Variants in IGSF3 observed in about 807,000 individuals in gnomAD.
The protein encoded by IGSF3 is glu-Trp-Ile EWI motif-containing protein 3.
Under a neutral mutation model 114.4 loss-of-function variants are expected in IGSF3, and 23 were observed. The ratio of observed to expected loss-of-function variants is 0.20; its 90% CI spans 0.14 to 0.28. The LOEUF (loss-of-function observed/expected upper bound fraction) is 0.28, where lower values mean the gene tolerates loss of function less well. IGSF3 is among the 10% of genes least tolerant of loss of function. The pLI is 1.00. For missense variants in IGSF3, 1,172 were observed against 1,591.5 expected (o/e 0.74, Z 4.48); for synonymous variants, 571 against 645.2 (o/e 0.88, Z 1.74).
Position 116,594,198 on chromosome 1 carries a change from C to T in IGSF3, c.2030-5094G>A, listed in dbSNP as rs990430553. Among the ~76,000 whole-genome samples, 1 of 152,162 alleles carries T rather than the reference C, an allele frequency of 6.6e-6. No individual in the cohort carries two copies. The highest frequency in any genetic ancestry group is 1.5e-5 in the Non-Finnish European group (1 of 68,028). ...ACTGTCAGTGTGCATTTAGAGACAGCGTTGACTGTGACTGTGCCTCCTAGC... is the reference window on the plus strand; with the variant it reads ...ACTGTCAGTGTGCATTTAGAGACAGTGTTGACTGTGACTGTGCCTCCTAGC... On this transcript the variant is annotated intron_variant, in intron 7 of 10. Coordinates refer to ENST00000369486, the MANE Select transcript of IGSF3 (RefSeq NM_001007237.3). The surrounding 1 kb of genome is among the most constrained non-coding windows in gnomAD (Gnocchi z 5.2).
chr1:116,653,019 C>A (rs1648695942), intron 2 of IGSF3, among the ~76,000 whole-genome samples: 1 of 152,178 alleles, frequency 6.6e-6, no homozygotes, highest in African/African-American at 2.4e-5. Flanking sequence ...AAAAACCTGT[C>A]CCCAGCAAGG....
intron 10 of IGSF3, among the ~76,000 whole-genome samples, chr1:116,578,288 A>G (rs1305779540): frequency 6.6e-6 from 1 of 152,208 alleles, no homozygotes; most frequent in Non-Finnish European, 1.5e-5. Context: ...ATAATTAGGG[A>G]CATCCACAAT....
chr1:116,614,101 T>G lies in IGSF3; in HGVS notation c.496A>C (p.Thr166Pro), dbSNP rs1410808563. ...ATGGTCTCTGAGGCCACCTCACAAG[T>G]GAGCTCCAGCGGGTCCTGCTCCACT... ...HRVEQDPLEL[T>P]CEVASETIQH... Residue 166 changes from threonine (T) to proline (P), a missense_variant, in exon 4 of 11, where the codon ACT (threonine) becomes CCT (proline). By Grantham distance (38) the Thr-to-Pro change is conservative (BLOSUM62 -1). Around this residue, in one of 3 missense-constraint regions of IGSF3, gnomAD observed 736 missense variants for 1,042.0 expected, o/e 0.71. Transcript: ENST00000369486. This position sits in a 1 kb window ranked among gnomAD's most constrained non-coding sequence, Gnocchi z 4.5. 6.2e-7 allele frequency: 1 copy of G among 1,613,938 alleles called. No individual in the cohort carries two copies.
chr1:116,620,988 C>CA (rs1661397334), intron 2 of IGSF3, among the ~76,000 whole-genome samples: 1 of 152,146 alleles, frequency 6.6e-6, no homozygotes, highest in African/African-American at 2.4e-5. Context: ...TTATAATCCC[C>CA]AATGTTAGAG....
Position 116,577,801 on chromosome 1 carries a change from G to A in IGSF3, c.3335-239C>T, listed in dbSNP as rs963785190. The stretch of plus-strand genomic sequence containing the variant: ...AAGCAATGCTTCTGTTTTCCATTGA[G>A]AGCCATTATTGCTGCTTGGAAAGCC... On this transcript the variant is annotated intron_variant, in intron 10 of 10. Coordinates refer to ENST00000369486, the MANE Select transcript of IGSF3 (RefSeq NM_001007237.3). This position sits in a 1 kb window ranked among gnomAD's most constrained non-coding sequence, Gnocchi z 5.7. 2.0e-5 allele frequency among the ~76,000 whole-genome samples: 3 copies of A among 152,090 alleles called. No individual in the cohort carries two copies. The highest frequency in any genetic ancestry group is 4.4e-5 in the Non-Finnish European group (3 of 68,026).
Position 116,613,766 on chromosome 1 carries a change from A to G in IGSF3, c.831T>C (p.Thr277=). The G allele has an allele frequency of 6.2e-7, 1 of 1,612,816 alleles. No homozygotes were observed. Among genetic ancestry groups the G allele is most frequent in the Non-Finnish European group, 8.5e-7 (1 of 1,178,864 alleles). ...GACAAGAGGCTCAGAGGGACTGACCAGTTGGCTGGACGTTGACCACGGCTC... is the reference window on the plus strand; with the variant it reads ...GACAAGAGGCTCAGAGGGACTGACCGGTTGGCTGGACGTTGACCACGGCTC... The part of the protein sequence containing the change: ...SEGAVVNVQP[T]DKEFTVRLET... The change falls in exon 4 of 11, where the codon ACT becomes ACC. Residue 277 remains threonine, a splice_region_variant and synonymous_variant. Coordinates refer to ENST00000369486, the MANE Select transcript of IGSF3 (RefSeq NM_001007237.3).
chr1:116,577,251 T>A lies in IGSF3; in HGVS notation c.*61A>T. 1 of 1,585,380 alleles carries A rather than the reference T, an allele frequency of 6.3e-7. No homozygotes were observed. The highest frequency in any genetic ancestry group is 8.6e-7 in the Non-Finnish European group (1 of 1,163,070). On this transcript the variant is annotated 3_prime_UTR_variant, in exon 11 of 11. Transcript: ENST00000369486. This position sits in a 1 kb window ranked among gnomAD's most constrained non-coding sequence, Gnocchi z 5.7. ...AGTTTGGGTGCTGTCAACTGTCCAA[T>A]CACAGAGAAAGGGAGAGCCTCAGCT...
rs1307507264 is a variant in IGSF3 at position 116,595,083 on chromosome 1, C to T, written c.2029+4858G>A. On this transcript the variant is annotated intron_variant, in intron 7 of 10. Transcript: ENST00000369486. The surrounding 1 kb of genome is among the most constrained non-coding windows in gnomAD (Gnocchi z 4.2). ...CCTGGCACTTAGTAGGTGCTCAATG[C>T]ATGCAGAGAGACAGGGAGGGAGGGG... Among the ~76,000 whole-genome samples the T allele has an allele frequency of 6.6e-6, 1 of 152,138 alleles. No homozygotes were observed. The highest frequency in any genetic ancestry group is 6.5e-5 in the Admixed American group (1 of 15,276).
chr1:116,596,324 A>G lies in IGSF3; in HGVS notation c.2029+3617T>C, dbSNP rs371341132. 2.4e-4 allele frequency among the ~76,000 whole-genome samples: 36 copies of G among 152,306 alleles called. 4 individuals are homozygous for G. Among genetic ancestry groups the G allele is most frequent in the Admixed American group, 1.6e-3 (25 of 15,308 alleles). ...CTTTAAAACGGGGGTAGCAGGGGAC[A>G]TTTCTATGGAAGACACCAGAGCAGG... is the stretch of plus-strand genomic sequence containing the variant. On this transcript the variant is annotated intron_variant, in intron 7 of 10. Transcript: ENST00000369486. The surrounding 1 kb of genome is among the most constrained non-coding windows in gnomAD (Gnocchi z 4.1).
At position 116,596,667 on chromosome 1, in the gene IGSF3, T is replaced by TACAG. The variant is rs1660358436; in HGVS notation, c.2029+3273_2029+3274insCTGT. The stretch of plus-strand genomic sequence containing the variant: ...TACAAGTATACAGTACCAAAGAGGA[T>TACAG]TCCTGAGAAGAAAAACACTTGTCTA... On this transcript the variant is annotated intron_variant, in intron 7 of 10. Transcript: ENST00000369486. The surrounding 1 kb of genome is among the most constrained non-coding windows in gnomAD (Gnocchi z 4.1). Among the ~76,000 whole-genome samples the TACAG allele has an allele frequency of 2.0e-5, 3 of 152,136 alleles. No individual in the cohort carries two copies. Among genetic ancestry groups the TACAG allele is most frequent in the Non-Finnish European group, 4.4e-5 (3 of 68,020 alleles).
At chr1:116,635,475 C>T (rs1405460319) in intron 2 of IGSF3, among the ~76,000 whole-genome samples, 2 of 152,228 alleles carry the variant, frequency 1.3e-5, no homozygotes, top group Admixed American at 1.3e-4. Context: ...ACCTCTCCCT[C>T]CTGTAGCCAC....
At chr1:116,663,901 A>T (rs1649222855) in intron 2 of IGSF3, among the ~76,000 whole-genome samples, 1 of 152,176 alleles carries the variant, frequency 6.6e-6, no homozygotes, top group South Asian at 2.1e-4. Context: ...ATATGGGCTT[A>T]AAACCTTGGG....
chr1:116,576,906 G>C lies in IGSF3; in HGVS notation c.*406C>G, dbSNP rs988531995. 2 of 159,034 alleles carry C rather than the reference G, an allele frequency of 1.3e-5. No homozygotes were observed. Among genetic ancestry groups the C allele is most frequent in the African/African-American group, 4.8e-5 (2 of 41,520 alleles). The allele number at this position is 159,034 out of a possible 1,614,324, so 9.9% of individuals were successfully genotyped here. A position where few individuals can be genotyped will look rare whatever the true frequency, so the allele number is the denominator to read the frequency against. On this transcript the variant is annotated 3_prime_UTR_variant, in exon 11 of 11. Transcript: ENST00000369486. This position sits in a 1 kb window ranked among gnomAD's most constrained non-coding sequence, Gnocchi z 4.6. ...CCCTTCCTTTTGCTGTCAGTTGTAC[G>C]TAAGAGAAATTCGTCCACATTAAGG...
rs1045937055 is a variant in IGSF3 at position 116,638,656 on chromosome 1, T to C, written c.44-22199A>G. ...CTTACATCGTTTTCCATCTCTTGTG[T>C]TGGTGAGCTAAAAACAAGATGGAAA... is the stretch of plus-strand genomic sequence containing the variant. On this transcript the variant is annotated intron_variant, in intron 2 of 10. Transcript: ENST00000369486. The surrounding 1 kb of genome is among the most constrained non-coding windows in gnomAD (Gnocchi z 4.1). Among the ~76,000 whole-genome samples, 1 of 152,158 alleles carries C rather than the reference T, an allele frequency of 6.6e-6. No homozygotes were observed. Among genetic ancestry groups the C allele is most frequent in the African/African-American group, 2.4e-5 (1 of 41,418 alleles).
In IGSF3 at chr1:116,577,186, CT is replaced by C; in HGVS notation, c.*125del. On this transcript the variant is annotated 3_prime_UTR_variant, in exon 11 of 11. Coordinates refer to ENST00000369486, the MANE Select transcript of IGSF3 (RefSeq NM_001007237.3). This position sits in a 1 kb window ranked among gnomAD's most constrained non-coding sequence, Gnocchi z 5.7. Reference sequence around the variant, plus strand: ...TGTGACTGACTGGGAACTTGGAACACTTTTCAAGTCTGACAACTTTCCACAC... The same window carrying C: ...TGTGACTGACTGGGAACTTGGAACACTTTCAAGTCTGACAACTTTCCACAC... 9.1e-7 allele frequency: 1 copy of C among 1,095,742 alleles called. No homozygotes were observed. Among genetic ancestry groups the C allele is most frequent in the Non-Finnish European group, 1.3e-6 (1 of 776,394 alleles). The allele number at this position is 1,095,742 out of a possible 1,614,324, so 67.9% of individuals were successfully genotyped here.
rs1217356968 is a variant in IGSF3, at chr1:116,608,218, C to T, written c.946G>A (p.Val316Ile). ...AGCGAGCTGTTGAAGGCCCAGGAGACAGCAAAGTAACGGTCGGGAACATTC... is the reference window on the plus strand; with the variant it reads ...AGCGAGCTGTTGAAGGCCCAGGAGATAGCAAAGTAACGGTCGGGAACATTC... ...AQNVPDRYFA[V>I]SWAFNSSLIA... The change falls in exon 5 of 11, where the codon GTC (valine) becomes ATC (isoleucine). Residue 316 changes from valine to isoleucine, a missense_variant. Around this residue, in one of 3 missense-constraint regions of IGSF3, gnomAD observed 736 missense variants for 1,042.0 expected, o/e 0.71. Transcript: ENST00000369486. 2 of 1,610,338 alleles carry T rather than the reference C, an allele frequency of 1.2e-6. No individual in the cohort carries two copies. The highest frequency in any genetic ancestry group is 8.5e-7 in the Non-Finnish European group (1 of 1,177,180).
rs1385961161 is a variant in IGSF3, at chr1:116,664,976, A to G, written c.43+1308T>C. 6.6e-6 allele frequency among the ~76,000 whole-genome samples: 1 copy of G among 152,228 alleles called. No individual in the cohort carries two copies. The highest frequency in any genetic ancestry group is 1.5e-5 in the Non-Finnish European group (1 of 68,036). On this transcript the variant is annotated intron_variant, in intron 2 of 10. Transcript: ENST00000369486. This position sits in a 1 kb window ranked among gnomAD's most constrained non-coding sequence, Gnocchi z 4.6. ...AGAATTTTTAAAAGCTTCCCCAGTG[A>G]TTCCAACATGCACACGAGAGTTTGA... is the stretch of plus-strand genomic sequence containing the variant.
chr1:116,646,441 C>A (rs1302557946), intron 2 of IGSF3, among the ~76,000 whole-genome samples: 2 of 152,214 alleles, frequency 1.3e-5, no homozygotes, highest in African/African-American at 4.8e-5. Context: ...TCTAATTTTA[C>A]TCCAAAAGTT....
rs545311357 is a variant in IGSF3 at position 116,633,740 on chromosome 1, G to C, written c.44-17283C>G. 6.6e-6 allele frequency among the ~76,000 whole-genome samples: 1 copy of C among 152,282 alleles called. No homozygotes were observed. Among genetic ancestry groups the C allele is most frequent in the South Asian group, 2.1e-4 (1 of 4,824 alleles). The stretch of plus-strand genomic sequence containing the variant: ...ATAAAAAATAAAAATTCAAAATCAT[G>C]ATCTTAGGGGTGAAAGAACACTGAG... On this transcript the variant is annotated intron_variant, in intron 2 of 10. Coordinates refer to ENST00000369486, the MANE Select transcript of IGSF3 (RefSeq NM_001007237.3). This position sits in a 1 kb window ranked among gnomAD's most constrained non-coding sequence, Gnocchi z 4.3.
Sources: gnomAD v4.1 joint callset for allele counts (sites outside exome capture counted in the v4.1 genomes callset) on GRCh38, gnomAD v4.1.1 for gene constraint, gnomAD v4.1.1 regional missense constraint, Gnocchi (gnomAD v3.1) non-coding constraint, MANE v1.5 for transcripts, NCBI Gene and HGNC (gene_info 2026-07-23, HGNC 2026-07-21) for gene names.